The following AGBL4 variants were observed in gnomAD, a reference collection of about 807,000 sequenced individuals.
The protein encoded by AGBL4 is AGBL carboxypeptidase 4.
AGBL4 carries 58 observed loss-of-function variants against 66.4 expected under a neutral mutation model. That is an observed-to-expected ratio of 0.87 (90% CI 0.71 to 1.09). AGBL4 has a LOEUF of 1.09. Ranked by LOEUF, AGBL4 falls within the 50% of genes least tolerant of loss-of-function variation. The pLI, the probability that AGBL4 is intolerant of heterozygous loss-of-function variation, is 0.00. For missense variants in AGBL4, 579 were observed against 631.0 expected (o/e 0.92, Z 0.88); for synonymous variants, 234 against 222.9 (o/e 1.05, Z -0.44).
intron 4 of AGBL4, among the ~76,000 whole-genome samples, chr1:49,189,634 A>G (rs1350540853): frequency 2.0e-5 from 3 of 152,164 alleles, no homozygotes; most frequent in African/African-American, 7.2e-5. Flanking sequence ...TCAGTGAAAA[A>G]AGAGAAAAAT....
intron 3 of AGBL4, among the ~76,000 whole-genome samples, chr1:49,343,755 C>A (rs1035096766): frequency 1.2e-4 from 18 of 152,130 alleles, no homozygotes; most frequent in Non-Finnish European, 4.4e-5. Context: ...ATTTATGTGT[C>A]ATGTGTGAAG....
intron 1 of AGBL4, among the ~76,000 whole-genome samples, chr1:49,934,753 G>GA (rs1353983933): frequency 1.4e-5 from 2 of 142,702 alleles, no homozygotes; most frequent in African/African-American, 5.3e-5. Flanking sequence ...ACTAGAAAAA[G>GA]AAGAACAAAC....
chr1:48,768,403 A>G (rs954497511), intron 6 of AGBL4, among the ~76,000 whole-genome samples: 10 of 152,232 alleles, frequency 6.6e-5, no homozygotes, highest in African/African-American at 2.4e-4. Context: ...CTTGTAAAAA[A>G]AATGGTAAAA....
At chr1:49,614,265 A>T (rs569642846) in intron 3 of AGBL4, among the ~76,000 whole-genome samples, 3 of 152,170 alleles carry the variant, frequency 2.0e-5, no homozygotes, top group Admixed American at 2.0e-4. Context: ...ACTATAGACT[A>T]GTTTTGTTGT....
At chr1:48,966,277 A>G (rs1258881026) in intron 5 of AGBL4, among the ~76,000 whole-genome samples, 1 of 152,150 alleles carries the variant, frequency 6.6e-6, no homozygotes, top group Non-Finnish European at 1.5e-5. Context: ...TGCATTGAAA[A>G]AGGGGCCCAA....
chr1:49,601,543 C>T (rs1196739490), intron 3 of AGBL4, among the ~76,000 whole-genome samples: 2 of 151,958 alleles, frequency 1.3e-5, no homozygotes, highest in Non-Finnish European at 2.9e-5. Flanking sequence ...CTCAGAAATA[C>T]CACCACACAT....
rs567983632 is a variant in AGBL4, at chr1:49,750,057, T to G, written c.158-52620A>C. ...CAATTCAATGAGAAAATAAGTCTTT[T>G]TAATAAGTAATGCTCAAAATAAACA... is the stretch of plus-strand genomic sequence containing the variant. On this transcript the variant is annotated intron_variant, in intron 2 of 13. Coordinates refer to ENST00000371839, the MANE Select transcript of AGBL4 (RefSeq NM_032785.4). 2.6e-5 allele frequency among the ~76,000 whole-genome samples: 4 copies of G among 152,248 alleles called. No individual in the cohort carries two copies. The East Asian group carries it at 7.7e-4, about 29-fold the overall frequency.
At chr1:48,709,497 C>T (rs1024413916) in intron 6 of AGBL4, among the ~76,000 whole-genome samples, 3 of 152,078 alleles carry the variant, frequency 2.0e-5, no homozygotes, top group African/African-American at 7.2e-5. Context: ...TGGGCTTCCC[C>T]ACCCCCCAAA....
intron 1 of AGBL4, chr1:49,994,956 T>C (rs1660252609): frequency 2.8e-6 from 1 of 360,892 alleles, no homozygotes; most frequent in Admixed American, 3.7e-5. Context: ...AATATAGGAA[T>C]AGAGGAAGCA....
intron 1 of AGBL4, among the ~76,000 whole-genome samples, chr1:49,927,504 A>C (rs1652895058): frequency 6.6e-6 from 1 of 152,136 alleles, no homozygotes; most frequent in Non-Finnish European, 1.5e-5. Flanking sequence ...TATGAGACTC[A>C]AGCATTATCA....
intron 3 of AGBL4, among the ~76,000 whole-genome samples, chr1:49,452,277 C>T (rs567352696): frequency 6.6e-6 from 1 of 151,922 alleles, no homozygotes; most frequent in South Asian, 2.1e-4. Context: ...GTGTCCCTGT[C>T]CCCAGTCTTG....
At chr1:49,073,149 GT>G (rs1479925647) in intron 4 of AGBL4, among the ~76,000 whole-genome samples, 1 of 152,046 alleles carries the variant, frequency 6.6e-6, no homozygotes, top group Non-Finnish European at 1.5e-5. Flanking sequence ...ATTCATCTAA[GT>G]TTTTTTCAAG....
intron 3 of AGBL4, among the ~76,000 whole-genome samples, chr1:49,375,969 C>G (rs1386210041): frequency 6.6e-6 from 1 of 152,112 alleles, no homozygotes; most frequent in Non-Finnish European, 1.5e-5. Flanking sequence ...TCTCACTCCC[C>G]AGAAGAGCTA....
chr1:48,897,002 C>T (rs1159501168), intron 5 of AGBL4, among the ~76,000 whole-genome samples: 3 of 152,180 alleles, frequency 2.0e-5, no homozygotes, highest in African/African-American at 4.8e-5. Context: ...ACAACTTTTA[C>T]ACTTATTAAC....
intron 5 of AGBL4, among the ~76,000 whole-genome samples, chr1:48,918,102 C>T (rs1217869017): frequency 6.6e-6 from 1 of 152,210 alleles, no homozygotes; most frequent in Non-Finnish European, 1.5e-5. Context: ...TGCGGACACT[C>T]ACCTCCACCT....
At chr1:49,845,955 T>G in intron 2 of AGBL4, 2 of 1,539,494 alleles carry the variant, frequency 1.3e-6, no homozygotes, top group Non-Finnish European at 1.8e-6. Flanking sequence ...AGCCACAGCT[T>G]GTCCCTCACC....
intron 2 of AGBL4, among the ~76,000 whole-genome samples, chr1:49,783,508 G>A (rs1644383610): frequency 6.6e-6 from 1 of 152,084 alleles, no homozygotes; most frequent in Non-Finnish European, 1.5e-5. Context: ...CTCTCAACCT[G>A]ATAAAGAGCT....
intron 3 of AGBL4, among the ~76,000 whole-genome samples, chr1:49,570,919 T>C (rs1288083076): frequency 6.6e-6 from 1 of 152,022 alleles, no homozygotes; most frequent in Non-Finnish European, 1.5e-5. Context: ...TATTTCTGGG[T>C]TCTCTATTCT....
chr1:49,479,362 C>T (rs1338707752), intron 3 of AGBL4, among the ~76,000 whole-genome samples: 1 of 151,480 alleles, frequency 6.6e-6, no homozygotes, highest in Non-Finnish European at 1.5e-5. Flanking sequence ...CATAGGTAAA[C>T]CTGTGTTGGG....
Sources: gnomAD v4.1 joint callset for allele counts (sites outside exome capture counted in the v4.1 genomes callset) on GRCh38, gnomAD v4.1.1 for gene constraint, MANE v1.5 for transcripts, NCBI Gene and HGNC (gene_info 2026-07-23, HGNC 2026-07-21) for gene names.